Variants in UNC5D observed in about 807,000 individuals in gnomAD.
The protein encoded by UNC5D is netrin receptor UNC5D.
A neutral mutation model predicts 105.4 loss-of-function variants in UNC5D; 39 were observed. The ratio of observed to expected loss-of-function variants is 0.37; its 90% CI spans 0.29 to 0.48. The LOEUF is 0.48. UNC5D is among the 20% of genes least tolerant of loss of function. The pLI is 0.98. For synonymous variants in UNC5D, 452 were observed against 450.4 expected (o/e 1.00, Z -0.04); for missense variants, 991 against 1,202.4 (o/e 0.82, Z 2.60).
chr8:35,261,170 G>T (rs918035840), intron 1 of UNC5D, among the ~76,000 whole-genome samples: 1 of 152,108 alleles, frequency 6.6e-6, no homozygotes, highest in Non-Finnish European at 1.5e-5. Flanking sequence ...ATGGACTTGC[G>T]CATCAAAGGG....
chr8:35,617,274 C>A (rs1281465161), intron 4 of UNC5D, among the ~76,000 whole-genome samples: 1 of 152,140 alleles, frequency 6.6e-6, no homozygotes, highest in Non-Finnish European at 1.5e-5. Context: ...TCCTTTTTAG[C>A]CAATTTTGGT....
At chr8:35,517,970 A>G (rs931502154) in intron 1 of UNC5D, among the ~76,000 whole-genome samples, 5 of 152,180 alleles carry the variant, frequency 3.3e-5, no homozygotes, top group Admixed American at 1.3e-4. Context: ...TCATGAAGGC[A>G]GAGCACTTCC....
At chr8:35,367,238 C>G (rs1802169459) in intron 1 of UNC5D, among the ~76,000 whole-genome samples, 1 of 152,294 alleles carries the variant, frequency 6.6e-6, no homozygotes, top group East Asian at 1.9e-4. Context: ...ACCTACCCAC[C>G]TACTTGCCTG....
intron 1 of UNC5D, among the ~76,000 whole-genome samples, chr8:35,485,729 G>A (rs553605494): frequency 2.6e-5 from 4 of 152,278 alleles, no homozygotes; most frequent in African/African-American, 7.2e-5. Context: ...GTGAGACCCT[G>A]AGCAAAGTGT....
At chr8:35,314,824 A>G (rs1809163706) in intron 1 of UNC5D, among the ~76,000 whole-genome samples, 1 of 152,170 alleles carries the variant, frequency 6.6e-6, no homozygotes, top group African/African-American at 2.4e-5. Context: ...TGGCAAATCT[A>G]TAGATAATAA....
chr8:35,622,922 A>T (rs928422776), intron 4 of UNC5D, among the ~76,000 whole-genome samples: 1 of 152,264 alleles, frequency 6.6e-6, no homozygotes, highest in South Asian at 2.1e-4. Context: ...GATCTCTCTC[A>T]GTTTTAGGAG....
chr8:35,747,888 A>C (rs1336216748), intron 11 of UNC5D, among the ~76,000 whole-genome samples: 2 of 152,234 alleles, frequency 1.3e-5, no homozygotes, highest in Admixed American at 1.3e-4. Flanking sequence ...TTTAGATCTA[A>C]AATAGAAAAG....
chr8:35,300,177 G>A (rs1025996262), intron 1 of UNC5D, among the ~76,000 whole-genome samples: 1 of 152,020 alleles, frequency 6.6e-6, no homozygotes, highest in Non-Finnish European at 1.5e-5. Flanking sequence ...ACTGGGCATG[G>A]TGGCTCACGC....
At chr8:35,744,997 G>A (rs1829933156) in intron 11 of UNC5D, among the ~76,000 whole-genome samples, 1 of 151,712 alleles carries the variant, frequency 6.6e-6, no homozygotes, top group Non-Finnish European at 1.5e-5. Flanking sequence ...AGGTTGCAGT[G>A]AGCCCAAGAT....
At chr8:35,498,099 A>G (rs1023974486) in intron 1 of UNC5D, among the ~76,000 whole-genome samples, 1 of 106,176 alleles carries the variant, frequency 9.4e-6, no homozygotes, top group African/African-American at 4.7e-5. Context: ...AAAAAAAAAA[A>G]AAAAAAAAAA....
At chr8:35,764,595 GGCCCCAC>G (rs1354353897) in intron 14 of UNC5D, among the ~76,000 whole-genome samples, 3 of 152,190 alleles carry the variant, frequency 2.0e-5, no homozygotes, top group African/African-American at 4.8e-5. Context: ...CATTGCAGGA[GGCCCCAC>G]AAATCAGAAA....
rs142681931 is a variant in UNC5D, at chr8:35,265,685, A to G, written c.103+29798A>G. On this transcript the variant is annotated intron_variant, in intron 1 of 16. Coordinates refer to ENST00000404895, the MANE Select transcript of UNC5D (RefSeq NM_080872.4). ...GGAGATCGAGACCGTCCTAGCTAAC[A>G]TGGTGAAACCTCTTCTCTACTAAAA... is the stretch of plus-strand genomic sequence containing the variant. Among the ~76,000 whole-genome samples the G allele has an allele frequency of 2.1e-3, 323 of 152,134 alleles. 1 individual carries two copies. Among genetic ancestry groups the G allele is most frequent in the African/African-American group, 7.3e-3 (304 of 41,502 alleles).
At chr8:35,410,173 G>A (rs1183149706) in intron 1 of UNC5D, among the ~76,000 whole-genome samples, 6 of 151,904 alleles carry the variant, frequency 3.9e-5, no homozygotes, top group Non-Finnish European at 5.9e-5. Flanking sequence ...CTATTGTCTG[G>A]TACGTAGTAA....
At chr8:35,238,081 T>C (rs1802583656) in intron 1 of UNC5D, among the ~76,000 whole-genome samples, 1 of 152,250 alleles carries the variant, frequency 6.6e-6, no homozygotes, top group Non-Finnish European at 1.5e-5. Flanking sequence ...TCTTTAGGAC[T>C]TTTCTTGTTG....
chr8:35,503,213 T>C (rs1389815706), intron 1 of UNC5D, among the ~76,000 whole-genome samples: 3 of 152,138 alleles, frequency 2.0e-5, no homozygotes, highest in Non-Finnish European at 4.4e-5. Context: ...AGAGATCACA[T>C]AGTCGGTGTA....
At chr8:35,570,412 C>G (rs1287663135) in intron 3 of UNC5D, among the ~76,000 whole-genome samples, 1 of 152,134 alleles carries the variant, frequency 6.6e-6, no homozygotes, top group African/African-American at 2.4e-5. Flanking sequence ...TAAAGTTAAA[C>G]TATATCTAAA....
chr8:35,606,591 A>G (rs1435531147), intron 4 of UNC5D, among the ~76,000 whole-genome samples: 7 of 152,114 alleles, frequency 4.6e-5, no homozygotes, highest in Non-Finnish European at 8.8e-5. Flanking sequence ...TCTCCCCTCG[A>G]GTAGACCCCA....
At chr8:35,570,644 A>G (rs1284451458) in intron 3 of UNC5D, among the ~76,000 whole-genome samples, 2 of 152,216 alleles carry the variant, frequency 1.3e-5, no homozygotes, top group East Asian at 3.9e-4. Context: ...ATGAGAGAAT[A>G]AACAATGTGA....
At chr8:35,635,965 G>A (rs1822345159) in intron 4 of UNC5D, among the ~76,000 whole-genome samples, 1 of 152,140 alleles carries the variant, frequency 6.6e-6, no homozygotes, top group Admixed American at 6.5e-5. Flanking sequence ...GTGGTCATAG[G>A]GGAGGAAACT....
Sources: gnomAD v4.1 joint callset for allele counts (sites outside exome capture counted in the v4.1 genomes callset) on GRCh38, gnomAD v4.1.1 for gene constraint, MANE v1.5 for transcripts, NCBI Gene and HGNC (gene_info 2026-07-23, HGNC 2026-07-21) for gene names.